The following SEPTIN12 variants were observed in gnomAD, a reference collection of about 807,000 sequenced individuals.
SEPTIN12 encodes the protein septin 12, also known as septin-12.
Under a neutral mutation model 37.7 loss-of-function variants are expected in SEPTIN12, and 42 were observed. That is an observed-to-expected ratio of 1.11 (90% CI 0.87 to 1.44). SEPTIN12 has a LOEUF of 1.44. SEPTIN12 is among the 40% of genes most tolerant of loss of function. The pLI is 0.00. For missense variants in SEPTIN12, 613 were observed against 479.2 expected (o/e 1.28, Z -2.61); for synonymous variants, 254 against 196.7 (o/e 1.29, Z -2.44).
chr16:4,780,990 G>C (rs1447582392), intron 7 of SEPTIN12, among the ~76,000 whole-genome samples: 2 of 151,980 alleles, frequency 1.3e-5, no homozygotes, highest in Admixed American at 6.6e-5. Flanking sequence ...GCTGGGCACG[G>C]TGGCTCACGC....
chr16:4,788,523 C>T (rs1423461624), upstream of SEPTIN12: 1 of 152,198 alleles, frequency 6.6e-6, no homozygotes, highest in East Asian at 1.9e-4. Context: ...GGGCCCAAGG[C>T]CCCCTCGTCA....
chr16:4,784,022 G>T lies in SEPTIN12; in HGVS notation c.421C>A (p.Leu141Met), dbSNP rs747477210. The T allele has an allele frequency of 6.8e-6, 11 of 1,614,182 alleles. No individual in the cohort carries two copies. In the South Asian group the frequency reaches 1.2e-4, roughly 18 times the overall value. The change falls in exon 5 of 10, where the codon CTG becomes ATG. Residue 141 changes from leucine (L) to methionine (M), a missense_variant. Physicochemically the swap from Leu to Met is conservative, Grantham distance 15 (BLOSUM62 2). Transcript: ENST00000268231. ...CGGGTGATGAGGATCTCCTCCTGCA[G>T]GTACTGCTCGTATTGCTCGTTGATG... ...GYINEQYEQYLQEEILITRQR... is the reference protein window; with the variant it reads ...GYINEQYEQYMQEEILITRQR...
upstream of SEPTIN12, among the ~76,000 whole-genome samples, chr16:4,791,003 T>G (rs367978964): frequency 6.6e-6 from 1 of 152,286 alleles, no homozygotes; most frequent in East Asian, 1.9e-4. Context: ...AGGATGTGGT[T>G]AGTGGATGAA....
chr16:4,787,291 C>T (rs1222802652), intron 2 of SEPTIN12, among the ~76,000 whole-genome samples, 189 bp downstream of exon 2: 1 of 152,206 alleles, frequency 6.6e-6, no homozygotes, highest in African/African-American at 2.4e-5. Context: ...GCCACCGCTC[C>T]AGGCACATTT....
At chr16:4,779,832 G>C (rs758024582) in intron 7 of SEPTIN12, 46 bp from the exon 8 acceptor site, 12 of 1,357,278 alleles carry the variant, frequency 8.8e-6, no homozygotes, top group African/African-American at 2.9e-5. Flanking sequence ...ACTTCGCTGG[G>C]GAGAAGAGAA....
At chr16:4,787,443 T>C in intron 2 of SEPTIN12, 37 bp downstream of exon 2, 1 of 1,601,338 alleles carries the variant, frequency 6.2e-7, no homozygotes, top group Non-Finnish European at 8.5e-7. Flanking sequence ...CGTAGCACTG[T>C]GGGTCTGTCC....
At chr16:4,789,306 C>CT (rs980508622), upstream of SEPTIN12, among the ~76,000 whole-genome samples, 1 of 150,850 alleles carries the variant, frequency 6.6e-6, no homozygotes, top group Non-Finnish European at 1.5e-5. Context: ...CATGCCTGGC[C>CT]TTTTTTTTTC....
chr16:4,785,795 G>GAAA lies in SEPTIN12; in HGVS notation c.374+11_374+12insTTT. ...CTCTGCCTAAAAAAAAAAAAAAAGA[G>GAAA]AGAGAACCTACCAGTTGTCATTGTT... On this transcript the variant is annotated intron_variant, in intron 4 of 9. Coordinates refer to ENST00000268231, the MANE Select transcript of SEPTIN12 (RefSeq NM_144605.5). 1 of 1,436,626 alleles carries GAAA rather than the reference G, an allele frequency of 7.0e-7. No homozygotes were observed. Among genetic ancestry groups the GAAA allele is most frequent in the Non-Finnish European group, 9.6e-7 (1 of 1,038,220 alleles). The allele number at this position is 1,436,626 out of a possible 1,614,324, so 89.0% of individuals were successfully genotyped here. A position where few individuals can be genotyped will look rare whatever the true frequency, so the allele number is the denominator to read the frequency against.
chr16:4,779,872 G>A (rs2082354504), intron 7 of SEPTIN12, 86 bp from the exon 8 acceptor site: 7 of 851,606 alleles, frequency 8.2e-6, no homozygotes, highest in Non-Finnish European at 1.4e-5. Flanking sequence ...GCAGGAGAGG[G>A]GAGTCCTATC....
intron 3 of SEPTIN12, 31 bp from the exon 4 acceptor site, chr16:4,785,919 TGGACCCA>T (rs760591310): frequency 2.0e-5 from 24 of 1,228,430 alleles, no homozygotes; most frequent in Non-Finnish European, 2.6e-5. Flanking sequence ...CGGGAGAGAC[TGGACCCA>T]GGTGGGATGG....
chr16:4,785,137 C>G (rs930568838), intron 4 of SEPTIN12, among the ~76,000 whole-genome samples: 1 of 152,022 alleles, frequency 6.6e-6, no homozygotes, highest in African/African-American at 2.4e-5. Context: ...GTAATCCCAG[C>G]TACTTGGGAG....
At chr16:4,786,192 G>T in intron 2 of SEPTIN12, 87 bp from the exon 3 acceptor site, 1 of 1,483,922 alleles carries the variant, frequency 6.7e-7, no homozygotes, top group Non-Finnish European at 9.0e-7. Flanking sequence ...TTTATTTTTG[G>T]AGACAGGTTC....
At chr16:4,783,224 A>C in intron 7 of SEPTIN12, 2 of 541,630 alleles carry the variant, frequency 3.7e-6, no homozygotes, top group East Asian at 3.3e-5. Context: ...TTCTCTATAT[A>C]TTCAGGATAC....
rs1244955320 is a variant in SEPTIN12 at position 4,784,011 on chromosome 16, C to T, written c.432G>A (p.Glu144=). 3 of 1,614,174 alleles carry T rather than the reference C, an allele frequency of 1.9e-6. No individual in the cohort carries two copies. The highest frequency in any genetic ancestry group is 4.5e-5 in the East Asian group (2 of 44,880). ...NEQYEQYLQE[E]ILITRQRHIP... ...TGTGGCGCTGGCGGGTGATGAGGAT[C>T]TCCTCCTGCAGGTACTGCTCGTATT... is the stretch of plus-strand genomic sequence containing the variant. The change falls in exon 5 of 10, where the codon GAG becomes GAA. Residue 144 remains glutamate (E), a synonymous_variant. Transcript: ENST00000268231.
intron 7 of SEPTIN12, 102 bp downstream of exon 7, chr16:4,783,360 T>G: frequency 1.1e-6 from 1 of 904,672 alleles, no homozygotes; most frequent in East Asian, 2.4e-5. Context: ...GCTAGGAATA[T>G]GTGCACATTT....
chr16:4,785,705 G>A (rs1406267011), intron 4 of SEPTIN12, 102 bp downstream of exon 4: 1 of 808,430 alleles, frequency 1.2e-6, no homozygotes, highest in Non-Finnish European at 2.1e-6. Context: ...TTGAACCTGG[G>A]AGGTGGAGGT....
chr16:4,779,644 T>C (rs1304606440), intron 8 of SEPTIN12, 46 bp downstream of exon 8: 1 of 1,245,944 alleles, frequency 8.0e-7, no homozygotes, highest in Non-Finnish European at 1.2e-6. Context: ...TGCTCTGGTT[T>C]CCAAACTGAC....
intron 4 of SEPTIN12, among the ~76,000 whole-genome samples, chr16:4,785,531 T>C (rs1351254531): frequency 6.6e-6 from 1 of 151,980 alleles, no homozygotes; most frequent in Non-Finnish European, 1.5e-5. Context: ...CCCAGCACTT[T>C]GGGAGGCCGA....
In SEPTIN12 at chr16:4,777,896, G is replaced by T; in HGVS notation, c.978C>A (p.Gly326=). The T allele has an allele frequency of 6.3e-7, 1 of 1,599,742 alleles. No homozygotes were observed. Among genetic ancestry groups the T allele is most frequent in the Non-Finnish European group, 8.5e-7 (1 of 1,173,750 alleles). The stretch of plus-strand genomic sequence containing the variant: ...GGGAGGCCGGGGCCAGGTTCACCCA[G>T]CCGGGCCCGCGGGGCAGCAGGTGGC... ...NESHLLPRGP[G]WVNLAPASPG... Residue 326 remains glycine (G), a synonymous_variant, in exon 10 of 10, where the codon GGC becomes GGA. Transcript: ENST00000268231.
Sources: gnomAD v4.1 joint callset for allele counts (sites outside exome capture counted in the v4.1 genomes callset) on GRCh38, gnomAD v4.1.1 for gene constraint, MANE v1.5 for transcripts, NCBI Gene and HGNC (gene_info 2026-07-23, HGNC 2026-07-21) for gene names.